AHI1: variants seen among roughly 807,000 people sequenced by gnomAD.
AHI1 encodes the protein Abelson helper integration site 1.
Under a neutral mutation model 149.3 loss-of-function variants are expected in AHI1, and 123 were observed. That is an observed-to-expected ratio of 0.82 (90% CI 0.71 to 0.96). The LOEUF is 0.96. Ranked by LOEUF, AHI1 falls within the 40% of genes least tolerant of loss-of-function variation. The pLI is 0.00. For missense variants in AHI1, 1,439 were observed against 1,422.7 expected, an observed-to-expected ratio of 1.01 and a Z score of -0.18; for synonymous variants, 475 against 459.8, an observed-to-expected ratio of 1.03 and a Z score of -0.42.
chr6:135,299,345 ATAT>A (rs1038853135), intron 27 of AHI1, among the ~76,000 whole-genome samples: 12 of 152,236 alleles, frequency 7.9e-5, no homozygotes, highest in African/African-American at 2.9e-4. Flanking sequence ...TGGAAGAGAC[ATAT>A]TATTCTTCAA....
intron 26 of AHI1, among the ~76,000 whole-genome samples, chr6:135,316,401 C>A (rs2128373083): frequency 6.6e-6 from 1 of 152,064 alleles, no homozygotes; most frequent in East Asian, 1.9e-4. Flanking sequence ...ATGCTGAGGC[C>A]TCATTCCACC....
Position 135,465,797 on chromosome 6 carries a change from T to A in AHI1, c.749+17A>T, listed in dbSNP as rs943581343. 2.1e-6 allele frequency: 3 copies of A among 1,440,314 alleles called. No individual in the cohort carries two copies. Among genetic ancestry groups the A allele is most frequent in the Non-Finnish European group, 2.7e-6 (3 of 1,095,676 alleles). 89.2% of individuals were successfully genotyped at this position (1,440,314 alleles called of 1,614,324 possible). ...TTTTTCTAAGAGGATATTTTACATT[T>A]ATCAATGCAAAAATACCTTGTTTCA... On this transcript the variant is annotated intron_variant, in intron 7 of 28. Transcript: ENST00000265602.
chr6:135,400,925 G>C (rs1779945220), intron 22 of AHI1, among the ~76,000 whole-genome samples: 1 of 152,096 alleles, frequency 6.6e-6, no homozygotes, highest in Admixed American at 6.5e-5. Context: ...CATCTTTGGA[G>C]AAAGGCAGAC....
chr6:135,382,950 TATATAC>T (rs1175755618), intron 23 of AHI1, among the ~76,000 whole-genome samples: 10 of 88,946 alleles, frequency 1.1e-4, no homozygotes, highest in African/African-American at 3.4e-4. Context: ...TATATATATA[TATATAC>T]ATATAAAATA....
In AHI1 at chr6:135,433,148, T is replaced by C. The variant is rs767255013; in HGVS notation, c.2145A>G (p.Thr715=). The C allele has an allele frequency of 3.1e-6, 5 of 1,613,118 alleles. No homozygotes were observed. The highest frequency in any genetic ancestry group is 4.2e-6 in the Non-Finnish European group (5 of 1,179,276). The change falls in exon 16 of 29, where the codon ACA becomes ACG. Residue 715 remains threonine, a synonymous_variant. Transcript: ENST00000265602. ...TCCGTATCATGGAATCATAGCATCC[T>C]GTAACTACTAGCTCTCTTACAGCTG... The part of the protein sequence containing the change: ...FHPAVRELVV[T]GCYDSMIRIW...
chr6:135,286,288 TAGAC>T (rs1781675409), intron 28 of AHI1: 1 of 152,412 alleles, frequency 6.6e-6, no homozygotes, highest in Admixed American at 6.5e-5. Context: ...GTTGCTTCCT[TAGAC>T]AGCATGTAGT....
intron 11 of AHI1, among the ~76,000 whole-genome samples, chr6:135,452,241 T>C (rs1334724056): frequency 2.0e-5 from 3 of 152,372 alleles, no homozygotes; most frequent in East Asian, 3.9e-4. Flanking sequence ...GTTGAATGAA[T>C]GGATTCACAA....
chr6:135,350,429 T>C (rs1294138617), intron 24 of AHI1, among the ~76,000 whole-genome samples: 2 of 152,352 alleles, frequency 1.3e-5, no homozygotes, highest in East Asian at 3.9e-4. Context: ...CGGCTCTCTG[T>C]TCTTACTTAT....
At chr6:135,464,981 G>C (rs1258125951) in intron 7 of AHI1, among the ~76,000 whole-genome samples, 1 of 152,156 alleles carries the variant, frequency 6.6e-6, no homozygotes, top group Non-Finnish European at 1.5e-5. Flanking sequence ...CTTTTTAATG[G>C]AGCAACAGAT....
At chr6:135,412,515 G>A (rs756274976) in intron 20 of AHI1, among the ~76,000 whole-genome samples, 2 of 152,072 alleles carry the variant, frequency 1.3e-5, no homozygotes, top group Non-Finnish European at 2.9e-5. Flanking sequence ...CTAGAGTGAC[G>A]AAGATGGCTC....
At chr6:135,296,841 C>G (rs1201552689) in intron 27 of AHI1, among the ~76,000 whole-genome samples, 1 of 152,258 alleles carries the variant, frequency 6.6e-6, no homozygotes, top group Non-Finnish European at 1.5e-5. Context: ...GCCTAGAACA[C>G]TGTGTGTGAC....
chr6:135,382,232 G>A (rs2746436), intron 23 of AHI1, among the ~76,000 whole-genome samples: 143,008 of 152,318 alleles, frequency 0.94, 67,215 homozygotes, highest in African/African-American at 0.99. Flanking sequence ...GTCACTTTCC[G>A]TATTTCTCAG....
At chr6:135,361,455 A>T (rs901154245) in intron 23 of AHI1, among the ~76,000 whole-genome samples, 6 of 152,146 alleles carry the variant, frequency 3.9e-5, no homozygotes, top group Admixed American at 3.9e-4. Context: ...TCATTTACAA[A>T]GAATGTTTTG....
At chr6:135,422,000 A>G (rs992713258) in intron 20 of AHI1, among the ~76,000 whole-genome samples, 7 of 152,198 alleles carry the variant, frequency 4.6e-5, no homozygotes, top group African/African-American at 1.7e-4. Flanking sequence ...ACTATTCATA[A>G]GTATTACAAA....
intron 21 of AHI1, among the ~76,000 whole-genome samples, chr6:135,411,021 C>T (rs78957955): frequency 0.018 from 2,743 of 152,180 alleles, 69 homozygotes; most frequent in African/African-American, 0.052. Flanking sequence ...AAAGTCACAG[C>T]TTCTCTTTCT....
At chr6:135,364,298 GC>G (rs1442580479) in intron 23 of AHI1, among the ~76,000 whole-genome samples, 1 of 151,682 alleles carries the variant, frequency 6.6e-6, no homozygotes, top group Non-Finnish European at 1.5e-5. Context: ...ACGATGGGCG[GC>G]CGGGCAGAGA....
intron 5 of AHI1, among the ~76,000 whole-genome samples, chr6:135,474,964 A>G (rs1237216030): frequency 6.6e-6 from 1 of 152,236 alleles, no homozygotes; most frequent in African/African-American, 2.4e-5. Context: ...ACAGTCTGGA[A>G]GAGTCTGTAT....
chr6:135,296,056 T>C (rs993424739), intron 27 of AHI1, among the ~76,000 whole-genome samples: 1 of 152,188 alleles, frequency 6.6e-6, no homozygotes, highest in Non-Finnish European at 1.5e-5. Context: ...AGTTTCACCA[T>C]GTTGGCCAGG....
intron 11 of AHI1, among the ~76,000 whole-genome samples, chr6:135,451,045 G>A (rs1348423659): frequency 6.6e-6 from 1 of 151,516 alleles, no homozygotes; most frequent in Non-Finnish European, 1.5e-5. Context: ...CACCCAGGCT[G>A]GAGTGCAGTG....
Sources: gnomAD v4.1 joint callset for allele counts (sites outside exome capture counted in the v4.1 genomes callset) on GRCh38, gnomAD v4.1.1 for gene constraint, MANE v1.5 for transcripts, NCBI Gene and HGNC (gene_info 2026-07-23, HGNC 2026-07-21) for gene names.